The following AGBL4 variants were observed in gnomAD, a reference collection of about 807,000 sequenced individuals.
AGBL4 encodes the protein cytosolic carboxypeptidase 6.
AGBL4 carries 58 observed loss-of-function variants against 66.4 expected under a neutral mutation model. That is an observed-to-expected ratio of 0.87 (90% CI 0.71 to 1.09). The LOEUF (loss-of-function observed/expected upper bound fraction) is 1.09. AGBL4 is among the 50% of genes least tolerant of loss of function. The probability of loss-of-function intolerance (pLI) is 0.00; values close to 1 mark genes in which losing one functional copy is unlikely to be tolerated. For missense variants in AGBL4, 579 were observed against 631.0 expected (o/e 0.92, Z 0.88); for synonymous variants, 234 against 222.9 (o/e 1.05, Z -0.44).
chr1:49,004,630 C>A (rs994085073), intron 5 of AGBL4, among the ~76,000 whole-genome samples: 7 of 152,014 alleles, frequency 4.6e-5, no homozygotes, highest in African/African-American at 1.7e-4. Flanking sequence ...GAAAGGGGAA[C>A]AAAGATAATA....
intron 3 of AGBL4, among the ~76,000 whole-genome samples, chr1:49,318,854 TG>T (rs1366206185): frequency 1.3e-5 from 2 of 152,112 alleles, no homozygotes; most frequent in Admixed American, 1.3e-4. Context: ...ACAAGTATCT[TG>T]CTTACAGAAA....
chr1:48,658,843 ATGTGTGTGTGTG>A (rs5774012), intron 7 of AGBL4, among the ~76,000 whole-genome samples: 1 of 149,568 alleles, frequency 6.7e-6, no homozygotes, highest in Non-Finnish European at 1.5e-5. Flanking sequence ...TGGTGTGTGC[ATGTGTGTGTGTG>A]TGTGTGTGTG....
intron 1 of AGBL4, among the ~76,000 whole-genome samples, chr1:49,988,331 A>C (rs1185482754): frequency 1.3e-5 from 2 of 152,096 alleles, no homozygotes; most frequent in Non-Finnish European, 2.9e-5. Flanking sequence ...CCAAAAGGCA[A>C]TTTCATTTTG....
At chr1:49,764,101 C>A (rs1172925789) in intron 2 of AGBL4, among the ~76,000 whole-genome samples, 3 of 152,164 alleles carry the variant, frequency 2.0e-5, no homozygotes, top group African/African-American at 7.2e-5. Context: ...AAGGCTTGGG[C>A]TCCCAGCACA....
chr1:49,326,353 G>A (rs1645228044), intron 3 of AGBL4, among the ~76,000 whole-genome samples: 1 of 152,072 alleles, frequency 6.6e-6, no homozygotes. Context: ...TTTTACTCTT[G>A]AAGATTATTG....
intron 11 of AGBL4, among the ~76,000 whole-genome samples, chr1:48,578,226 T>G (rs2798123): frequency 0.63 from 95,386 of 151,972 alleles, 30,060 homozygotes; most frequent in Non-Finnish European, 0.66. Flanking sequence ...AGGCAAAGCT[T>G]ATGCTCTAGT....
chr1:49,593,251 C>G (rs1416240579), intron 3 of AGBL4, among the ~76,000 whole-genome samples: 1 of 151,806 alleles, frequency 6.6e-6, no homozygotes, highest in Non-Finnish European at 1.5e-5. Flanking sequence ...TAAAAAAATA[C>G]AAAAAATTAG....
intron 6 of AGBL4, among the ~76,000 whole-genome samples, chr1:48,735,304 C>G (rs1412573792): frequency 6.6e-6 from 1 of 152,198 alleles, no homozygotes; most frequent in African/African-American, 2.4e-5. Flanking sequence ...AGAATATGAA[C>G]TCCTTGCAGA....
At chr1:49,875,654 T>A (rs1646979750) in intron 1 of AGBL4, among the ~76,000 whole-genome samples, 1 of 148,446 alleles carries the variant, frequency 6.7e-6, no homozygotes, top group Non-Finnish European at 1.5e-5. Flanking sequence ...TGATTTATAG[T>A]CATTTGGGTA....
At chr1:49,426,090 G>T (rs1406200092) in intron 3 of AGBL4, among the ~76,000 whole-genome samples, 1 of 152,104 alleles carries the variant, frequency 6.6e-6, no homozygotes, top group Admixed American at 6.5e-5. Context: ...GATTTACTTA[G>T]TATTTTATTG....
At chr1:48,791,065 T>G (rs1178490948) in intron 6 of AGBL4, among the ~76,000 whole-genome samples, 1 of 152,200 alleles carries the variant, frequency 6.6e-6, no homozygotes, top group Non-Finnish European at 1.5e-5. Context: ...TAAGCTTATG[T>G]TGTCTATAAA....
At chr1:48,652,972 C>G (rs1033704779) in intron 8 of AGBL4, among the ~76,000 whole-genome samples, 9 of 152,186 alleles carry the variant, frequency 5.9e-5, no homozygotes, top group African/African-American at 2.2e-4. Context: ...TCTTTTGAAG[C>G]TCTCACAACT....
intron 1 of AGBL4, among the ~76,000 whole-genome samples, chr1:50,011,689 T>C (rs1024176601): frequency 6.6e-6 from 1 of 151,906 alleles, no homozygotes; most frequent in African/African-American, 2.4e-5. Context: ...CACAATGGAG[T>C]CCTATTCAGC....
chr1:48,707,431 G>A (rs1016820890), intron 6 of AGBL4, among the ~76,000 whole-genome samples: 8 of 152,210 alleles, frequency 5.3e-5, no homozygotes, highest in African/African-American at 1.7e-4. Context: ...TAACAGCATT[G>A]CCAAGGGATG....
At chr1:48,990,564 T>C (rs1411147341) in intron 5 of AGBL4, among the ~76,000 whole-genome samples, 2 of 152,102 alleles carry the variant, frequency 1.3e-5, no homozygotes, top group Non-Finnish European at 2.9e-5. Context: ...GATTTTTTTG[T>C]ATATGGTGAG....
At chr1:49,157,592 T>A (rs1415936237) in intron 4 of AGBL4, among the ~76,000 whole-genome samples, 1 of 152,188 alleles carries the variant, frequency 6.6e-6, no homozygotes, top group Admixed American at 6.5e-5. Flanking sequence ...ATTGGGTATA[T>A]ACCCAGTAAT....
At chr1:49,616,382 T>C (rs1341083701) in intron 3 of AGBL4, among the ~76,000 whole-genome samples, 1 of 152,200 alleles carries the variant, frequency 6.6e-6, no homozygotes, top group African/African-American at 2.4e-5. Flanking sequence ...TATTATACTG[T>C]TCTGGTTTTC....
intron 5 of AGBL4, among the ~76,000 whole-genome samples, chr1:48,886,574 G>A (rs1962275): frequency 0.86 from 130,824 of 151,976 alleles, 57,589 homozygotes; most frequent in Non-Finnish European, 0.96. Context: ...TTTTTTTGAG[G>A]TGGAGTCTCA....
chr1:49,474,714 T>C (rs1327216491), intron 3 of AGBL4, among the ~76,000 whole-genome samples: 1 of 152,070 alleles, frequency 6.6e-6, no homozygotes, highest in Admixed American at 6.6e-5. Context: ...TTCAGGGTTT[T>C]ATAGGTATAA....
Sources: gnomAD v4.1 joint callset for allele counts (sites outside exome capture counted in the v4.1 genomes callset) on GRCh38, gnomAD v4.1.1 for gene constraint, MANE v1.5 for transcripts, NCBI Gene and HGNC (gene_info 2026-07-23, HGNC 2026-07-21) for gene names.